The following KIAA0825 variants were observed in gnomAD, a reference collection of about 807,000 sequenced individuals.
The protein encoded by KIAA0825 is uncharacterized protein KIAA0825.
Under a neutral mutation model 147.6 loss-of-function variants are expected in KIAA0825, and 119 were observed. The ratio of observed to expected loss-of-function variants is 0.81; its 90% confidence interval spans 0.69 to 0.94. The LOEUF (loss-of-function observed/expected upper bound fraction) is 0.94, where lower values mean the gene tolerates loss of function less well. Ranked by LOEUF, KIAA0825 falls within the 40% of genes least tolerant of loss-of-function variation. KIAA0825 has a pLI of 0.00. For missense variants in KIAA0825, 1,381 were observed against 1,472.7 expected (o/e 0.94, Z 1.02); for synonymous variants, 470 against 518.1 (o/e 0.91, Z 1.26).
At position 94,179,862 on chromosome 5, in the gene KIAA0825, A is replaced by ATGT; in HGVS notation, c.3711-25739_3711-25738insACA. On this transcript the variant is annotated intron_variant, in intron 20 of 20. Coordinates refer to ENST00000682413, the MANE Select transcript of KIAA0825 (RefSeq NM_001145678.3). ...TAAATATACATGAATCCATACTAAT[A>ATGT]TAAATAATAACTGAGTAAATTGGGG... Among the ~76,000 whole-genome samples the ATGT allele has an allele frequency of 4.6e-5, 7 of 150,576 alleles. No homozygotes were observed. In the South Asian group the frequency reaches 1.5e-3, roughly 31 times the overall value.
At position 94,594,715 on chromosome 5, in the gene KIAA0825, A is replaced by T. The variant is rs1784958437; in HGVS notation, c.-152-12132T>A. ...ATTCAGATTCCTTGGTTTGAATGGA[A>T]CTCTATGGCACTGTCAACAAAGGAT... is the stretch of plus-strand genomic sequence containing the variant. On this transcript the variant is annotated intron_variant, in intron 1 of 20. Coordinates refer to ENST00000682413, the MANE Select transcript of KIAA0825 (RefSeq NM_001145678.3). The T allele has an allele frequency of 4.8e-6, 3 of 630,778 alleles. No homozygotes were observed. The African/African-American group carries it at 5.5e-5, about 12-fold the overall frequency. 39.1% of individuals were successfully genotyped at this position (630,778 alleles called of 1,614,324 possible).
At chr5:94,245,499 T>G (rs1775558208) in intron 20 of KIAA0825, among the ~76,000 whole-genome samples, 1 of 152,202 alleles carries the variant, frequency 6.6e-6, no homozygotes, top group African/African-American at 2.4e-5. Flanking sequence ...ACCTACTTGC[T>G]TGCTTTCTCT....
intron 1 of KIAA0825, among the ~76,000 whole-genome samples, chr5:94,586,505 C>G (rs1462201701): frequency 6.6e-6 from 1 of 152,144 alleles, no homozygotes; most frequent in Non-Finnish European, 1.5e-5. Flanking sequence ...AGCTGAATCT[C>G]TGAATAGATG....
intron 20 of KIAA0825, among the ~76,000 whole-genome samples, chr5:94,247,064 T>A (rs898169176): frequency 6.6e-6 from 1 of 152,128 alleles, no homozygotes; most frequent in Non-Finnish European, 1.5e-5. Context: ...ATTCTTGAGG[T>A]AGAAAATGGT....
At chr5:94,474,950 G>A (rs971019910) in intron 7 of KIAA0825, among the ~76,000 whole-genome samples, 8 of 152,036 alleles carry the variant, frequency 5.3e-5, no homozygotes, top group Non-Finnish European at 1.2e-4. Context: ...TTAGCCGGGC[G>A]TGGTGGCACG....
Position 94,189,165 on chromosome 5 carries a change from G to A in KIAA0825, c.3711-35041C>T, listed in dbSNP as rs115104776. Among the ~76,000 whole-genome samples, 97 of 152,176 alleles carry A rather than the reference G, an allele frequency of 6.4e-4. 1 individual carries two copies. Among genetic ancestry groups the A allele is most frequent in the African/African-American group, 2.3e-3 (94 of 41,506 alleles). On this transcript the variant is annotated intron_variant, in intron 20 of 20. Transcript: ENST00000682413. ...AGAGTTCTTTATACATGTTGGATTC[G>A]AGCCTTTTGTCAAGAATCGTCTATA...
intron 20 of KIAA0825, among the ~76,000 whole-genome samples, chr5:94,173,378 G>A (rs932956756): frequency 1.3e-5 from 2 of 152,132 alleles, no homozygotes; most frequent in Non-Finnish European, 2.9e-5. Flanking sequence ...CAAAGATTGG[G>A]AGACACTCAT....
At chr5:94,437,226 G>A (rs538691731) in intron 14 of KIAA0825, among the ~76,000 whole-genome samples, 2 of 152,168 alleles carry the variant, frequency 1.3e-5, no homozygotes, top group Middle Eastern at 3.4e-3. Context: ...ATTAATTTCT[G>A]TGTGCATAAT....
intron 2 of KIAA0825, among the ~76,000 whole-genome samples, chr5:94,556,256 TG>T (rs1561309575): frequency 6.6e-6 from 1 of 152,084 alleles, no homozygotes; most frequent in Non-Finnish European, 1.5e-5. Context: ...GTTTTTTGTA[TG>T]CTTCATAGAG....
At chr5:94,357,237 A>C (rs928971424) in intron 20 of KIAA0825, among the ~76,000 whole-genome samples, 1 of 143,292 alleles carries the variant, frequency 7.0e-6, no homozygotes, top group Non-Finnish European at 1.6e-5. Context: ...AACTCAAGCT[A>C]ACACACGTTA....
intron 15 of KIAA0825, chr5:94,415,055 T>C (rs1422457285): frequency 2.0e-5 from 3 of 152,220 alleles, no homozygotes; most frequent in Non-Finnish European, 4.4e-5. Flanking sequence ...TCTGGTTTCT[T>C]GTGCTAAGTC....
At chr5:94,582,160 G>A (rs1327997578) in intron 2 of KIAA0825, among the ~76,000 whole-genome samples, 1 of 152,210 alleles carries the variant, frequency 6.6e-6, no homozygotes, top group Admixed American at 6.5e-5. Context: ...TGCATAGAAT[G>A]GGGAATTTCA....
chr5:94,300,906 C>T (rs1440357218), intron 20 of KIAA0825, among the ~76,000 whole-genome samples: 3 of 152,084 alleles, frequency 2.0e-5, no homozygotes, highest in East Asian at 1.9e-4. Context: ...TCTACTTTGA[C>T]GGATTGAGTC....
chr5:94,472,576 T>C (rs573712393), intron 8 of KIAA0825, among the ~76,000 whole-genome samples: 39 of 152,130 alleles, frequency 2.6e-4, no homozygotes, highest in East Asian at 5.8e-4. Context: ...AACCCCGTCT[T>C]TACTAAATAT....
chr5:94,326,026 T>C lies in KIAA0825; in HGVS notation c.3710+58342A>G, dbSNP rs73139399. On this transcript the variant is annotated intron_variant, in intron 20 of 20. Transcript: ENST00000682413. The stretch of plus-strand genomic sequence containing the variant: ...ACATTATGAATAAAAATGACAAGTA[T>C]AAAATTTGATCCATAAAATAAGTGA... 6.3e-3 allele frequency among the ~76,000 whole-genome samples: 954 copies of C among 152,180 alleles called. 11 individuals are homozygous for C. Among genetic ancestry groups the C allele is most frequent in the African/African-American group, 0.022 (914 of 41,554 alleles).
chr5:94,406,129 G>C (rs1055055115), intron 15 of KIAA0825, among the ~76,000 whole-genome samples: 8 of 152,028 alleles, frequency 5.3e-5, no homozygotes, highest in Non-Finnish European at 1.2e-4. Flanking sequence ...GTTTCACCTT[G>C]TTGGCAAGGA....
intron 2 of KIAA0825, among the ~76,000 whole-genome samples, chr5:94,547,364 T>C (rs1225292416): frequency 6.6e-6 from 1 of 152,102 alleles, no homozygotes; most frequent in African/African-American, 2.4e-5. Context: ...AAGAAGGTTA[T>C]AGAACACCAA....
intron 20 of KIAA0825, among the ~76,000 whole-genome samples, chr5:94,313,526 G>C (rs1246113628): frequency 2.0e-5 from 3 of 151,436 alleles, no homozygotes; most frequent in African/African-American, 7.3e-5. Flanking sequence ...ATCATCAAGA[G>C]TGGATACAGT....
intron 20 of KIAA0825, among the ~76,000 whole-genome samples, chr5:94,336,191 G>A (rs891129373): frequency 1.3e-5 from 2 of 151,930 alleles, no homozygotes; most frequent in Non-Finnish European, 2.9e-5. Flanking sequence ...CCGACATGGT[G>A]AAACCCTGTC....
Sources: gnomAD v4.1 joint callset for allele counts (sites outside exome capture counted in the v4.1 genomes callset) on GRCh38, gnomAD v4.1.1 for gene constraint, MANE v1.5 for transcripts, NCBI Gene and HGNC (gene_info 2026-07-23, HGNC 2026-07-21) for gene names.